Variants in ATG7 observed in about 807,000 individuals in gnomAD.
ATG7 encodes autophagy related 7, also known as ubiquitin-like modifier-activating enzyme ATG7.
ATG7 carries 70 observed loss-of-function variants against 82.4 expected under a neutral mutation model. The observed-to-expected ratio is 0.85, with a 90% confidence interval of 0.70 to 1.04. The LOEUF is 1.04. ATG7 is among the 50% of genes least tolerant of loss of function. ATG7 has a pLI of 0.00. For missense variants in ATG7, 792 were observed against 864.3 expected, an observed-to-expected ratio of 0.92 and a Z score of 1.05; for synonymous variants, 287 against 313.0, an observed-to-expected ratio of 0.92 and a Z score of 0.88.
At chr3:11,491,242 C>G (rs1393540018) in intron 20 of ATG7, among the ~76,000 whole-genome samples, 2 of 152,050 alleles carry the variant, frequency 1.3e-5, no homozygotes, top group African/African-American at 2.4e-5. Flanking sequence ...TCACTGATAC[C>G]CTTTCTTCCA....
chr3:11,554,018 G>A (rs1413984511), intron 20 of ATG7, among the ~76,000 whole-genome samples: 1 of 152,146 alleles, frequency 6.6e-6, no homozygotes, highest in Non-Finnish European at 1.5e-5. Context: ...GGGGCCCTGG[G>A]ACCTGCTGTG....
At chr3:11,478,028 C>T (rs2088463561) in intron 20 of ATG7, among the ~76,000 whole-genome samples, 2 of 152,150 alleles carry the variant, frequency 1.3e-5, no homozygotes, top group South Asian at 4.1e-4. Flanking sequence ...CATCCCTGGA[C>T]TAATTCCTGT....
intron 3 of ATG7, among the ~76,000 whole-genome samples, chr3:11,296,447 C>G (rs1278308345): frequency 6.6e-6 from 1 of 151,972 alleles, no homozygotes; most frequent in Non-Finnish European, 1.5e-5. Context: ...AACGAGGGTC[C>G]CCTCCTTTTC....
At chr3:11,319,634 C>T (rs1949941226) in intron 9 of ATG7, among the ~76,000 whole-genome samples, 3 of 152,248 alleles carry the variant, frequency 2.0e-5, no homozygotes, top group Non-Finnish European at 4.4e-5. Context: ...CTGCTTGCCT[C>T]CTTCTGCACC....
At chr3:11,503,541 G>C (rs546575752) in intron 20 of ATG7, among the ~76,000 whole-genome samples, 1 of 151,940 alleles carries the variant, frequency 6.6e-6, no homozygotes, top group South Asian at 2.1e-4. Context: ...GGCAGATCAC[G>C]AAGTCAGGAG....
chr3:11,409,888 G>A (rs1464760034), intron 19 of ATG7, among the ~76,000 whole-genome samples: 1 of 151,884 alleles, frequency 6.6e-6, no homozygotes, highest in Non-Finnish European at 1.5e-5. Context: ...AGTTGACTAA[G>A]GTGGGTCTAA....
chr3:11,568,108 T>A, the ATG7 span, among the ~76,000 whole-genome samples: 20 of 152,230 alleles, frequency 1.3e-4, no homozygotes, highest in Admixed American at 9.8e-4. The surrounding 1 kb of genome is among the most constrained non-coding windows in gnomAD (Gnocchi z 5.9). Flanking sequence ...GGGCTGCAGC[T>A]CCCAAGTGAC....
At chr3:11,490,505 C>T (rs1023253950) in intron 20 of ATG7, among the ~76,000 whole-genome samples, 15 of 152,082 alleles carry the variant, frequency 9.9e-5, no homozygotes, top group Admixed American at 3.3e-4. Flanking sequence ...TGAATTTGAT[C>T]CTGTCATTAT....
At position 11,313,397 on chromosome 3, in the gene ATG7, G is replaced by T. The variant is rs1948958109; in HGVS notation, c.505G>T (p.Asp169Tyr). ...LPLIQGPVGLDQRFSLKQIEA... is the reference protein window; with the variant it reads ...LPLIQGPVGLYQRFSLKQIEA... ...TCTCATTCAGGGGCCAGTGGGTTTG[G>T]ATCAAAGGTTTTCACTAAAACAGGT... The change falls in exon 8 of 21, where the codon GAT (aspartate) becomes TAT (tyrosine). Residue 169 changes from aspartate (D) to tyrosine (Y), a missense_variant. Transcript: ENST00000693202. 1 of 1,611,294 alleles carries T rather than the reference G, an allele frequency of 6.2e-7. No homozygotes were observed. The highest frequency in any genetic ancestry group is 1.1e-5 in the South Asian group (1 of 90,622).
chr3:11,465,088 A>AGTGTGTGTGTGTGTGTGTGTGTGT (rs55999171), intron 20 of ATG7, among the ~76,000 whole-genome samples: 13 of 147,328 alleles, frequency 8.8e-5, no homozygotes, highest in African/African-American at 3.0e-4. Context: ...AAAAACCTAA[A>AGTGTGTGTGTGTGTGTGTGTGTGT]GTGTGTGTGT....
At chr3:11,496,077 CAGTG>C (rs1377675177) in intron 20 of ATG7, among the ~76,000 whole-genome samples, 4 of 152,140 alleles carry the variant, frequency 2.6e-5, no homozygotes, top group African/African-American at 9.7e-5. Flanking sequence ...TTAAGTGACA[CAGTG>C]AGAGTGGGTA....
chr3:11,496,945 T>G (rs2090878467), intron 20 of ATG7, among the ~76,000 whole-genome samples: 2 of 151,620 alleles, frequency 1.3e-5, no homozygotes, highest in South Asian at 4.2e-4. Flanking sequence ...CTGCAACCTC[T>G]GTTTCAAGTG....
At chr3:11,360,552 T>C in intron 15 of ATG7, 29 bp from the exon 16 acceptor site, 1 of 1,600,850 alleles carries the variant, frequency 6.2e-7, no homozygotes, top group Middle Eastern at 2.0e-4. Flanking sequence ...GTCTTTTAAC[T>C]CTGCTCTTTC....
chr3:11,275,826 G>C (rs1050507668), intron 1 of ATG7, among the ~76,000 whole-genome samples: 3 of 152,156 alleles, frequency 2.0e-5, no homozygotes, highest in African/African-American at 7.2e-5. Context: ...TCTCAGACCG[G>C]CTTCAGAATG....
chr3:11,485,091 T>C (rs1453693385), intron 20 of ATG7, among the ~76,000 whole-genome samples: 2 of 152,228 alleles, frequency 1.3e-5, no homozygotes, highest in African/African-American at 4.8e-5. Flanking sequence ...ATGGTATTTC[T>C]AGTTCTAGGT....
At chr3:11,323,576 C>T (rs1950483185) in intron 9 of ATG7, among the ~76,000 whole-genome samples, 1 of 152,226 alleles carries the variant, frequency 6.6e-6, no homozygotes, top group Admixed American at 6.5e-5. Flanking sequence ...TGTCCCATTA[C>T]CAATCTTTTG....
At chr3:11,286,065 C>G (rs139871909) in intron 3 of ATG7, among the ~76,000 whole-genome samples, 1 of 152,188 alleles carries the variant, frequency 6.6e-6, no homozygotes, top group Non-Finnish European at 1.5e-5. Flanking sequence ...GATGTTTCCT[C>G]CCATGAGATC....
intron 20 of ATG7, among the ~76,000 whole-genome samples, chr3:11,433,094 C>T (rs1284130454): frequency 6.6e-6 from 1 of 151,844 alleles, no homozygotes; most frequent in Non-Finnish European, 1.5e-5. Flanking sequence ...GAGTTTAAGG[C>T]CAGCCTGGGC....
At chr3:11,312,762 G>A (rs1268736201) in intron 7 of ATG7, among the ~76,000 whole-genome samples, 1 of 152,208 alleles carries the variant, frequency 6.6e-6, no homozygotes, top group Non-Finnish European at 1.5e-5. Context: ...TTAATAACAT[G>A]TAATTTATTT....
Sources: gnomAD v4.1 joint callset for allele counts (sites outside exome capture counted in the v4.1 genomes callset) on GRCh38, gnomAD v4.1.1 for gene constraint, Gnocchi (gnomAD v3.1) non-coding constraint, MANE v1.5 for transcripts, NCBI Gene and HGNC (gene_info 2026-07-23, HGNC 2026-07-21) for gene names.